Variants in TC2N observed in about 807,000 individuals in gnomAD.
The protein encoded by TC2N is tandem C2 domains nuclear protein.
Under a neutral mutation model 61.9 loss-of-function variants are expected in TC2N, and 51 were observed. The ratio of observed to expected loss-of-function variants is 0.82; its 90% CI spans 0.66 to 1.04. TC2N has a LOEUF of 1.04. Among genes scored for constraint, TC2N ranks in the 50% least tolerant of loss-of-function variants. The probability of loss-of-function intolerance (pLI) is 0.00; values close to 1 mark genes in which losing one functional copy is unlikely to be tolerated. For synonymous variants in TC2N, 204 were observed against 192.6 expected (o/e 1.06, Z -0.49); for missense variants, 556 against 566.7 (o/e 0.98, Z 0.19).
chr14:91,812,572 C>T (rs1886830934), intron 2 of TC2N, 27 bp from the exon 3 acceptor site: 3 of 1,166,102 alleles, frequency 2.6e-6, no homozygotes, highest in Non-Finnish European at 2.5e-6. Flanking sequence ...AAAAAAGTCA[C>T]AAATATGAAT....
At chr14:91,815,062 TA>T (rs1429125341) in intron 1 of TC2N, among the ~76,000 whole-genome samples, 1 of 151,300 alleles carries the variant, frequency 6.6e-6, no homozygotes, top group African/African-American at 2.4e-5. Context: ...CAGGGATAAA[TA>T]AAAACAGACT....
intron 9 of TC2N, among the ~76,000 whole-genome samples, chr14:91,789,178 G>C (rs1885516078): frequency 6.6e-6 from 1 of 152,140 alleles, no homozygotes; most frequent in Admixed American, 6.5e-5. Flanking sequence ...CAATTGTAGA[G>C]TTCACTCTCA....
At chr14:91,802,556 A>G in intron 3 of TC2N, 135 bp from the exon 4 acceptor site, 1 of 731,318 alleles carries the variant, frequency 1.4e-6, no homozygotes, top group Non-Finnish European at 2.2e-6. Context: ...ATAGCTAAAA[A>G]GATCAGCACA....
chr14:91,795,578 A>C (rs1180497524), intron 8 of TC2N, among the ~76,000 whole-genome samples: 2 of 152,174 alleles, frequency 1.3e-5, no homozygotes, highest in African/African-American at 4.8e-5. Context: ...CATTTTTTAG[A>C]AATAAAGTAT....
In TC2N at chr14:91,785,363, T is replaced by TA. The variant is rs764189857; in HGVS notation, c.1163-3dup. The TA allele has an allele frequency of 8.1e-6, 13 of 1,610,000 alleles. No homozygotes were observed. Among genetic ancestry groups the TA allele is most frequent in the Non-Finnish European group, 1.1e-5 (13 of 1,177,486 alleles). ...ACATTCCCACCTTCACGAAAAAACC[T>TA]AAAAAATTAGAAATATTGGTTTATA... On this transcript the variant is annotated splice_region_variant and splice_polypyrimidine_tract_variant and intron_variant, in intron 10 of 11. Coordinates refer to ENST00000435962, the MANE Select transcript of TC2N (RefSeq NM_001128596.3).
chr14:91,829,566 G>A (rs1887655448), intron 1 of TC2N, among the ~76,000 whole-genome samples: 1 of 151,888 alleles, frequency 6.6e-6, no homozygotes, highest in Admixed American at 6.6e-5. Context: ...TCACTTTTTA[G>A]ACTCCTGATC....
chr14:91,816,265 T>G (rs539445728), intron 1 of TC2N, among the ~76,000 whole-genome samples: 1 of 151,928 alleles, frequency 6.6e-6, no homozygotes, highest in East Asian at 1.9e-4. Flanking sequence ...CTTTTTCTGT[T>G]ACCAACAAAA....
At chr14:91,815,044 G>T (rs867970313) in intron 1 of TC2N, among the ~76,000 whole-genome samples, 2 of 151,598 alleles carry the variant, frequency 1.3e-5, no homozygotes, top group African/African-American at 4.8e-5. Flanking sequence ...TAGAGAGGTA[G>T]GAGAACACAG....
intron 4 of TC2N, among the ~76,000 whole-genome samples, chr14:91,801,096 A>C (rs1210657028): frequency 6.6e-6 from 1 of 151,278 alleles, no homozygotes; most frequent in South Asian, 2.1e-4. Flanking sequence ...ATATATATAT[A>C]TCCTGAAAAA....
At chr14:91,792,122 G>A (rs6575218) in intron 9 of TC2N, among the ~76,000 whole-genome samples, 142,935 of 150,714 alleles carry the variant, frequency 0.95, 67,684 homozygotes, top group East Asian at 1. Flanking sequence ...CCATCTCAAA[G>A]AAAAAAAGAA....
chr14:91,841,345 A>T (rs1215861224), intron 1 of TC2N, among the ~76,000 whole-genome samples: 1 of 152,232 alleles, frequency 6.6e-6, no homozygotes, highest in African/African-American at 2.4e-5. Context: ...TTCTGGACCC[A>T]CATCAGCTTG....
At chr14:91,811,280 C>G (rs1475986519) in intron 3 of TC2N, among the ~76,000 whole-genome samples, 2 of 151,986 alleles carry the variant, frequency 1.3e-5, no homozygotes, top group Non-Finnish European at 2.9e-5. Context: ...GATAGGTAGA[C>G]AGATATTTGC....
chr14:91,800,143 A>C (rs112843607), intron 5 of TC2N, 138 bp downstream of exon 5: 5,628 of 455,708 alleles, frequency 0.012, 267 homozygotes, highest in African/African-American at 0.1. Context: ...GGAAATATCA[A>C]TTATTTATTC....
At chr14:91,806,254 T>C (rs1886502805) in intron 3 of TC2N, among the ~76,000 whole-genome samples, 2 of 152,196 alleles carry the variant, frequency 1.3e-5, no homozygotes, top group Non-Finnish European at 1.5e-5. Context: ...AGCATGAAAA[T>C]GGACTAATAT....
At chr14:91,864,211 T>C (rs1233567849) in intron 1 of TC2N, among the ~76,000 whole-genome samples, 1 of 152,204 alleles carries the variant, frequency 6.6e-6, no homozygotes, top group African/African-American at 2.4e-5. Flanking sequence ...GCTATTGTTT[T>C]AAGCTACTAT....
intron 8 of TC2N, among the ~76,000 whole-genome samples, chr14:91,795,527 C>A (rs1885854431): frequency 6.6e-6 from 1 of 151,988 alleles, no homozygotes; most frequent in Non-Finnish European, 1.5e-5. Flanking sequence ...CTTCCAACAG[C>A]AAAAAAATTA....
intron 3 of TC2N, among the ~76,000 whole-genome samples, chr14:91,809,935 G>T (rs1347733826): frequency 6.6e-6 from 1 of 152,160 alleles, no homozygotes; most frequent in Non-Finnish European, 1.5e-5. Flanking sequence ...GGGAAGGAAG[G>T]TGTGTTAGTC....
intron 1 of TC2N, 50 bp from the exon 2 acceptor site, chr14:91,813,875 A>G: frequency 1.5e-6 from 1 of 686,918 alleles, no homozygotes; most frequent in Non-Finnish European, 2.5e-6. Flanking sequence ...GCTTAATACC[A>G]TTAGATATTA....
chr14:91,866,136 T>C (rs1040253710), intron 1 of TC2N: 6 of 152,160 alleles, frequency 3.9e-5, no homozygotes, highest in African/African-American at 1.4e-4. Flanking sequence ...GAGAGTTCCT[T>C]TGTCAAGTCT....
Sources: gnomAD v4.1 joint callset for allele counts (sites outside exome capture counted in the v4.1 genomes callset) on GRCh38, gnomAD v4.1.1 for gene constraint, MANE v1.5 for transcripts, NCBI Gene and HGNC (gene_info 2026-07-23, HGNC 2026-07-21) for gene names.